The following DNAH11 variants were observed in gnomAD, a reference collection of about 807,000 sequenced individuals.
DNAH11 encodes axonemal beta dynein heavy chain 11.
In DNAH11, 442 loss-of-function variants were observed where a neutral mutation model predicts 526.0. That is an observed-to-expected ratio of 0.84 (90% CI 0.78 to 0.91). DNAH11 has a LOEUF of 0.91. DNAH11 is among the 40% of genes least tolerant of loss of function. The probability of loss-of-function intolerance (pLI) is 0.00; values close to 1 mark genes in which losing one functional copy is unlikely to be tolerated. For synonymous variants in DNAH11, 2,461 were observed against 1,935.9 expected (o/e 1.27, Z -7.12); for missense variants, 6,989 against 5,448.7 (o/e 1.28, Z -8.90).
intron 5 of DNAH11, 134 bp from the exon 6 acceptor site, chr7:21,564,052 A>ATC: frequency 3.4e-6 from 2 of 582,366 alleles, no homozygotes; most frequent in South Asian, 3.3e-5. Context: ...TAGGATAAGT[A>ATC]ATATAAAAGG....
intron 61 of DNAH11, among the ~76,000 whole-genome samples, chr7:21,794,739 G>C (rs1788633616): frequency 6.6e-6 from 1 of 150,910 alleles, no homozygotes; most frequent in South Asian, 2.1e-4. Flanking sequence ...ATCACTAGAT[G>C]CTTTCAGGGA....
Position 21,558,851 on chromosome 7 carries a change from G to C in DNAH11, c.545G>C (p.Cys182Ser). 6.2e-7 allele frequency: 1 copy of C among 1,608,904 alleles called. No homozygotes were observed. The highest frequency in any genetic ancestry group is 8.5e-7 in the Non-Finnish European group (1 of 1,177,674). The stretch of plus-strand genomic sequence containing the variant: ...AAGAACAACCATAAGTCCTGGTCCT[G>C]TTTTACTTCACAAGATATGGAATAT... ...SNKNNHKSWS[C>S]FTSQDMEYHI... The change falls in exon 3 of 82, where the codon TGT becomes TCT. Residue 182 changes from cysteine to serine, a missense_variant. Physicochemically the swap from Cys to Ser is moderately radical, Grantham distance 112. Coordinates refer to ENST00000409508, the MANE Select transcript of DNAH11 (RefSeq NM_001277115.2).
chr7:21,857,838 C>G (rs1021680939), intron 68 of DNAH11, among the ~76,000 whole-genome samples: 109 of 152,138 alleles, frequency 7.2e-4, no homozygotes, highest in African/African-American at 2.5e-3. Context: ...ATTTATTAAG[C>G]TATACATTTT....
chr7:21,611,309 GC>G (rs1306074303), intron 20 of DNAH11, among the ~76,000 whole-genome samples: 6 of 152,050 alleles, frequency 3.9e-5, no homozygotes, highest in African/African-American at 1.4e-4. Context: ...TAGGACTTTG[GC>G]CCCGGACTGA....
intron 57 of DNAH11, among the ~76,000 whole-genome samples, chr7:21,784,003 A>C (rs896965098): frequency 6.6e-6 from 1 of 152,246 alleles, no homozygotes; most frequent in Non-Finnish European, 1.5e-5. Flanking sequence ...GCTTCTAAGC[A>C]AAAGTTAGCA....
At chr7:21,556,994 T>A (rs1000817164) in intron 2 of DNAH11, among the ~76,000 whole-genome samples, 3 of 151,178 alleles carry the variant, frequency 2.0e-5, no homozygotes, top group African/African-American at 7.3e-5. Flanking sequence ...CCAGGAGACA[T>A]GGAGGATGGA....
chr7:21,702,381 C>T lies in DNAH11; in HGVS notation c.6181-329C>T, dbSNP rs1583608323. On this transcript the variant is annotated intron_variant, in intron 36 of 81. Coordinates refer to ENST00000409508, the MANE Select transcript of DNAH11 (RefSeq NM_001277115.2). ...ATGTGCTTCTGGTTGGAGGTGAAAA[C>T]GGGGAATTTGCTGAGCTACTGAGTT... Among the ~76,000 whole-genome samples the T allele has an allele frequency of 2.6e-5, 4 of 151,880 alleles. No individual in the cohort carries two copies. In the East Asian group the frequency reaches 5.8e-4, roughly 22 times the overall value.
Position 21,544,991 on chromosome 7 carries a change from T to C in DNAH11, c.352-15T>C. On this transcript the variant is annotated splice_polypyrimidine_tract_variant and intron_variant, in intron 1 of 81. Transcript: ENST00000409508. Reference sequence around the variant, plus strand: ...AAGAAAACTACTTGAACTAATTATCTTGCTCTTGTTTTAGATTCCAAGAGA... The same window carrying C: ...AAGAAAACTACTTGAACTAATTATCCTGCTCTTGTTTTAGATTCCAAGAGA... The C allele has an allele frequency of 1.9e-6, 3 of 1,561,692 alleles. No homozygotes were observed. The highest frequency in any genetic ancestry group is 2.6e-6 in the Non-Finnish European group (3 of 1,152,446).
At chr7:21,689,866 A>G (rs1783537600) in intron 34 of DNAH11, among the ~76,000 whole-genome samples, 1 of 152,068 alleles carries the variant, frequency 6.6e-6, no homozygotes, top group Admixed American at 6.6e-5. Context: ...GTTTACCCTC[A>G]TTTGAAAGTT....
chr7:21,635,765 A>G, intron 25 of DNAH11, 106 bp from the exon 26 acceptor site: 3 of 851,032 alleles, frequency 3.5e-6, no homozygotes, highest in Non-Finnish European at 1.7e-6. Context: ...ATTACATGCT[A>G]GGTCTAAGAA....
intron 9 of DNAH11, 95 bp downstream of exon 9, chr7:21,582,116 A>G (rs1051046953): frequency 2.7e-6 from 2 of 730,806 alleles, no homozygotes; most frequent in Non-Finnish European, 2.4e-6. Flanking sequence ...TAGAGTATTC[A>G]CTAGGTTAAC....
intron 8 of DNAH11, among the ~76,000 whole-genome samples, chr7:21,581,694 A>C (rs1446158633): frequency 6.6e-6 from 1 of 152,218 alleles, no homozygotes; most frequent in Non-Finnish European, 1.5e-5. Context: ...GAACAGTGCT[A>C]AGCTTTCAGT....
intron 14 of DNAH11, among the ~76,000 whole-genome samples, chr7:21,598,357 T>C (rs751761884): frequency 4.2e-4 from 64 of 152,158 alleles, no homozygotes; most frequent in Non-Finnish European, 8.4e-4. Flanking sequence ...CCTGTGTCTC[T>C]AGGCAAGCAC....
chr7:21,711,899 G>C, intron 42 of DNAH11, 39 bp downstream of exon 42: 1 of 1,562,570 alleles, frequency 6.4e-7, no homozygotes, highest in Non-Finnish European at 8.7e-7. Context: ...TAAATTGTAT[G>C]TAACATAACA....
At chr7:21,843,668 A>C (rs552086532) in intron 66 of DNAH11, among the ~76,000 whole-genome samples, 6 of 151,882 alleles carry the variant, frequency 4.0e-5, no homozygotes, top group Non-Finnish European at 8.8e-5. Flanking sequence ...TTTAGTAGTG[A>C]TAGGGTTTCA....
Position 21,868,960 on chromosome 7 carries a change from C to A in DNAH11, c.11936C>A (p.Ala3979Asp). 2 of 1,613,982 alleles carry A rather than the reference C, an allele frequency of 1.2e-6. No individual in the cohort carries two copies. Among genetic ancestry groups the A allele is most frequent in the Non-Finnish European group, 1.7e-6 (2 of 1,179,864 alleles). The change falls in exon 73 of 82, where the codon GCT becomes GAT. Residue 3979 changes from alanine to aspartate, a missense_variant. Physicochemically the swap from Ala to Asp is moderately radical, Grantham distance 126 (BLOSUM62 -2). Coordinates refer to ENST00000409508, the MANE Select transcript of DNAH11 (RefSeq NM_001277115.2). ...GTGGCAGAAGTGGCCCTGGAGAAAG[C>A]TTCCAAAGGAGGACACTGGGTCATC... ...ETVAEVALEK[A>D]SKGGHWVILQ...
intron 28 of DNAH11, among the ~76,000 whole-genome samples, chr7:21,643,991 A>G (rs1787240130): frequency 6.6e-6 from 1 of 152,192 alleles, no homozygotes; most frequent in East Asian, 1.9e-4. Context: ...AAATGACAAG[A>G]TACATATACT....
At chr7:21,554,716 G>C (rs1196738723) in intron 2 of DNAH11, among the ~76,000 whole-genome samples, 1 of 152,068 alleles carries the variant, frequency 6.6e-6, no homozygotes, top group African/African-American at 2.4e-5. Context: ...TTTTAGAAGT[G>C]GTTTCATTTC....
chr7:21,758,550 C>A (rs1786737266), intron 54 of DNAH11, among the ~76,000 whole-genome samples: 1 of 151,796 alleles, frequency 6.6e-6, no homozygotes, highest in African/African-American at 2.4e-5. Flanking sequence ...TCATTCAATC[C>A]AATAATCACA....
Sources: gnomAD v4.1 joint callset for allele counts (sites outside exome capture counted in the v4.1 genomes callset) on GRCh38, gnomAD v4.1.1 for gene constraint, MANE v1.5 for transcripts, NCBI Gene and HGNC (gene_info 2026-07-23, HGNC 2026-07-21) for gene names.